Variants in TBC1D10C observed in about 807,000 individuals in gnomAD.
TBC1D10C encodes carabin.
In TBC1D10C, 49 loss-of-function variants were observed where a neutral mutation model predicts 51.0. The observed-to-expected ratio is 0.96, with a 90% CI of 0.76 to 1.22. The LOEUF (loss-of-function observed/expected upper bound fraction) is 1.22. Ranked by LOEUF, TBC1D10C falls within the 50% of genes most tolerant of loss-of-function variation. The probability of loss-of-function intolerance (pLI) is 0.00; values close to 1 mark genes in which losing one functional copy is unlikely to be tolerated. For missense variants in TBC1D10C, 541 were observed against 617.5 expected (o/e 0.88, Z 1.31); for synonymous variants, 281 against 266.7 (o/e 1.05, Z -0.52).
Position 67,405,692 on chromosome 11 carries a change from A to G in TBC1D10C, c.458A>G (p.Gln153Arg), listed in dbSNP as rs1260160295. 2 of 1,613,672 alleles carry G rather than the reference A, an allele frequency of 1.2e-6. No individual in the cohort carries two copies. The highest frequency in any genetic ancestry group is 1.7e-6 in the Non-Finnish European group (2 of 1,179,994). Residue 153 changes from glutamine (Q) to arginine (R), a missense_variant, in exon 4 of 9, where the codon CAG (glutamine) becomes CGG (arginine). Gln to Arg is a conservative substitution (Grantham distance 43). Transcript: ENST00000542590. ...FPLHEMFVSP[Q>R]GHGQQGLLQV... ...CTGCACGAGATGTTTGTGTCGCCTC[A>G]GGGCCACGGGTACGAGGCCGGTGAT...
chr11:67,405,010 T>A, intron 1 of TBC1D10C, 75 bp from the exon 2 acceptor site: 3 of 1,385,368 alleles, frequency 2.2e-6, no homozygotes, highest in Non-Finnish European at 3.0e-6. Flanking sequence ...TTCACCTGGG[T>A]AGCCTGGAGG....
chr11:67,408,891 T>C, intron 7 of TBC1D10C, 88 bp from the exon 8 acceptor site: 1 of 1,440,220 alleles, frequency 6.9e-7, no homozygotes, highest in Non-Finnish European at 9.2e-7. Flanking sequence ...TGCAGGAGAG[T>C]GGGAGGCATA....
At chr11:67,408,633 G>A (rs372744916) in intron 7 of TBC1D10C, 20 of 228,876 alleles carry the variant, frequency 8.7e-5, no homozygotes, top group Middle Eastern at 1.4e-3. Flanking sequence ...GCTCCTCCCC[G>A]GAGCCCACAG....
Position 67,406,671 on chromosome 11 carries a change from T to C in TBC1D10C, c.627T>C (p.Pro209=). 2 of 1,577,918 alleles carry C rather than the reference T, an allele frequency of 1.3e-6. No homozygotes were observed. Among genetic ancestry groups the C allele is most frequent in the African/African-American group, 1.3e-5 (1 of 74,074 alleles). The change falls in exon 6 of 9, where the codon CCT becomes CCC. Residue 209 remains proline, a synonymous_variant. Transcript: ENST00000542590. Reference sequence around the variant, plus strand: ...TGCAGATCTGTGAGGTCTACCTCCCTGGGTACTACGGGCCCCACATGGTGA... The same window carrying C: ...TGCAGATCTGTGAGGTCTACCTCCCCGGGTACTACGGGCCCCACATGGTGA... ...CLVQICEVYL[P]GYYGPHMEAV...
At chr11:67,404,011 G>C, upstream of TBC1D10C, 2 of 609,560 alleles carry the variant, frequency 3.3e-6, no homozygotes, top group Non-Finnish European at 5.0e-6. Context: ...TCTCCGGACA[G>C]AGGCCTGGCT....
At chr11:67,409,180 G>A (rs778459879) in intron 8 of TBC1D10C, 47 bp downstream of exon 8, 30 of 1,525,690 alleles carry the variant, frequency 2.0e-5, no homozygotes, top group Middle Eastern at 3.6e-4. Flanking sequence ...CCTGCTGCAC[G>A]GGGGAAACTG....
Position 67,406,851 on chromosome 11 carries a change from G to A in TBC1D10C, c.673G>A (p.Val225Met). 6.2e-7 allele frequency: 1 copy of A among 1,609,562 alleles called. No individual in the cohort carries two copies. Among genetic ancestry groups the A allele is most frequent in the South Asian group, 1.1e-5 (1 of 90,960 alleles). ...HMEAVRLDAE[V>M]FMALLRRLLP... Reference sequence around the variant, plus strand: ...GGAGGCTGTGCGGCTGGACGCCGAGGTGTTCATGGCCCTGCTGCGGCGGCT... The same window carrying A: ...GGAGGCTGTGCGGCTGGACGCCGAGATGTTCATGGCCCTGCTGCGGCGGCT... Residue 225 changes from valine to methionine, a missense_variant, in exon 7 of 9, where the codon GTG becomes ATG. Physicochemically the swap from Val to Met is conservative, Grantham distance 21. Coordinates refer to ENST00000542590, the MANE Select transcript of TBC1D10C (RefSeq NM_001369496.1).
At chr11:67,407,052 TG>T (rs1565127771) in intron 7 of TBC1D10C, 36 bp downstream of exon 7, 1 of 1,584,388 alleles carries the variant, frequency 6.3e-7, no homozygotes, top group East Asian at 2.2e-5. Flanking sequence ...GCAGGAGCCT[TG>T]GGGTGTGGGT....
At chr11:67,405,229 C>T (rs1008589872) in intron 2 of TBC1D10C, 45 bp downstream of exon 2, 15 of 1,541,038 alleles carry the variant, frequency 9.7e-6, no homozygotes, top group Non-Finnish European at 1.3e-5. Flanking sequence ...GCTCATTCCT[C>T]TCTGCCTCAG....
rs1386106953 is a variant in TBC1D10C at position 67,409,460 on chromosome 11, G to T, written c.1047G>T (p.Gln349His). 1 of 1,548,900 alleles carries T rather than the reference G, an allele frequency of 6.5e-7. No homozygotes were observed. Among genetic ancestry groups the T allele is most frequent in the East Asian group, 2.4e-5 (1 of 40,894 alleles). ...ACCTGCAGCGGGAGATCAAGGCCCA[G>T]CTGGCCCAGCTGCCCGATTCCGCGC... ...ERDLQREIKA[Q>H]LAQLPDSAPG... The change falls in exon 9 of 9, where the codon CAG (glutamine) becomes CAT (histidine). Residue 349 changes from glutamine to histidine, a missense_variant. Gln to His is a conservative substitution (Grantham distance 24). Transcript: ENST00000542590.
At position 67,407,049 on chromosome 11, in the gene TBC1D10C, C is replaced by T. The variant is rs767231477; in HGVS notation, c.838+33C>T. ...GGGCAGCCAGTGGCTGGGGCAGGAG[C>T]CTTGGGGTGTGGGTGGGGAGGTAGC... On this transcript the variant is annotated intron_variant, in intron 7 of 8. Transcript: ENST00000542590. 5.0e-6 allele frequency: 8 copies of T among 1,587,590 alleles called. No individual in the cohort carries two copies. The East Asian group carries it at 1.1e-4, about 22-fold the overall frequency.
chr11:67,406,207 C>T (rs1362381093), intron 5 of TBC1D10C, 190 bp downstream of exon 5: 1 of 551,026 alleles, frequency 1.8e-6, no homozygotes, highest in African/African-American at 1.9e-5. Flanking sequence ...ACCTGGGACC[C>T]TTGACCCCAG....
intron 7 of TBC1D10C, chr11:67,407,320 G>C (rs1863216424): frequency 2.8e-6 from 1 of 359,618 alleles, no homozygotes; most frequent in African/African-American, 2.1e-5. Flanking sequence ...GCAGGCACCT[G>C]CTGGGTGCTC....
In TBC1D10C at chr11:67,409,747, G is replaced by A. The variant is rs187596918; in HGVS notation, c.1334G>A (p.Arg445His). Residue 445 changes from arginine to histidine, a missense_variant, in exon 9 of 9, where the codon CGC (arginine) becomes CAC (histidine). Physicochemically the swap from Arg to His is conservative, Grantham distance 29. Coordinates refer to ENST00000542590, the MANE Select transcript of TBC1D10C (RefSeq NM_001369496.1). Reference protein sequence around the residue: ...QRGSTSFLDTRF With the variant: ...QRGSTSFLDTHF ...GGCTCCACCTCCTTCCTGGACACCCGCTTCTGAGAGGACCATGGACTTAGT... is the reference window on the plus strand; with the variant it reads ...GGCTCCACCTCCTTCCTGGACACCCACTTCTGAGAGGACCATGGACTTAGT... 1.1e-4 allele frequency: 167 copies of A among 1,582,190 alleles called. 1 individual carries two copies. The East Asian group carries it at 2.9e-3, about 28-fold the overall frequency.
At chr11:67,406,075 T>C in intron 5 of TBC1D10C, 58 bp downstream of exon 5, 1 of 1,407,210 alleles carries the variant, frequency 7.1e-7, no homozygotes, top group Admixed American at 2.8e-5. Flanking sequence ...GGGAACCCCA[T>C]CCCCAGGAAC....
At chr11:67,406,317 A>G (rs1446288812) in intron 5 of TBC1D10C, 1 of 511,896 alleles carries the variant, frequency 2.0e-6, no homozygotes, top group Non-Finnish European at 3.4e-6. Context: ...AAAGACCCAG[A>G]AACCCAGGAC....
chr11:67,404,673 C>T (rs2135012834), intron 1 of TBC1D10C, among the ~76,000 whole-genome samples: 1 of 152,258 alleles, frequency 6.6e-6, no homozygotes, highest in South Asian at 2.1e-4. Flanking sequence ...TTTCCCCAAG[C>T]TACAGACAGA....
chr11:67,408,106 C>T (rs2135043391), intron 7 of TBC1D10C: 1 of 152,422 alleles, frequency 6.6e-6, no homozygotes, highest in South Asian at 2.1e-4. Context: ...ACCATCATCA[C>T]TCAACCTCGC....
In TBC1D10C at chr11:67,409,113, G is replaced by A. The variant is rs200282604; in HGVS notation, c.973G>A (p.Glu325Lys). The change falls in exon 8 of 9, where the codon GAG (glutamate) becomes AAG (lysine). Residue 325 changes from glutamate to lysine, a missense_variant. By Grantham distance (56) the Glu-to-Lys change is moderately conservative (BLOSUM62 1). Coordinates refer to ENST00000542590, the MANE Select transcript of TBC1D10C (RefSeq NM_001369496.1). ...AGCCATCCCCCCCGCGCAGCTGCAG[G>A]AGGAGGCCTTCATGTCACAGGTGGG... ...LRAIPPAQLQ[E>K]EAFMSQVHSV... 6.6e-4 allele frequency: 1,049 copies of A among 1,598,496 alleles called. 1 individual carries two copies. The highest frequency in any genetic ancestry group is 2.0e-3 in the Middle Eastern group (10 of 5,128).
Sources: gnomAD v4.1 joint callset for allele counts (sites outside exome capture counted in the v4.1 genomes callset) on GRCh38, gnomAD v4.1.1 for gene constraint, MANE v1.5 for transcripts, NCBI Gene and HGNC (gene_info 2026-07-23, HGNC 2026-07-21) for gene names.